CFAP70: variants seen among roughly 807,000 people sequenced by gnomAD.
The protein encoded by CFAP70 is cilia- and flagella-associated protein 70.
CFAP70 carries 81 observed loss-of-function variants against 137.6 expected under a neutral mutation model. The ratio of observed to expected loss-of-function variants is 0.59; its 90% CI spans 0.49 to 0.71. CFAP70 has a LOEUF of 0.71. Among genes scored for constraint, CFAP70 ranks in the 30% least tolerant of loss-of-function variants. The probability of loss-of-function intolerance (pLI) is 0.00; values close to 1 mark genes in which losing one functional copy is unlikely to be tolerated. For missense variants in CFAP70, 976 were observed against 1,226.7 expected (o/e 0.80, Z 3.05); for synonymous variants, 382 against 423.6 (o/e 0.90, Z 1.20).
chr10:73,266,292 C>T (rs1439745441), intron 25 of CFAP70, among the ~76,000 whole-genome samples: 2 of 152,148 alleles, frequency 1.3e-5, no homozygotes, highest in Non-Finnish European at 2.9e-5. Context: ...TGCTTCCACC[C>T]GTCTCCCTAT....
chr10:73,361,385 C>T (rs910727296), upstream of CFAP70, among the ~76,000 whole-genome samples: 8 of 151,044 alleles, frequency 5.3e-5, no homozygotes, highest in Non-Finnish European at 7.4e-5. Context: ...CTCTGCCTCC[C>T]GGGTTCAAGT....
At chr10:73,310,107 T>G in intron 12 of CFAP70, 51 bp downstream of exon 13, 1 of 1,245,544 alleles carries the variant, frequency 8.0e-7, no homozygotes, top group Non-Finnish European at 1.2e-6. Context: ...TGACTTCCTC[T>G]TATTTATACC....
chr10:73,310,137 A>T, intron 12 of CFAP70, 21 bp downstream of exon 13: 1 of 1,544,586 alleles, frequency 6.5e-7, no homozygotes, highest in Non-Finnish European at 8.9e-7. Flanking sequence ...CAAAACTAGT[A>T]TAAGCACCAT....
At chr10:73,289,139 G>A (rs118056817) in intron 19 of CFAP70, among the ~76,000 whole-genome samples, 532 of 151,936 alleles carry the variant, frequency 3.5e-3, no homozygotes, top group Admixed American at 6.6e-3. Context: ...TTAAATCCAG[G>A]CTAATAGAAT....
In CFAP70 at chr10:73,297,911, C is replaced by T. The variant is rs1175292713; in HGVS notation, c.1513-738G>A. On this transcript the variant is annotated intron_variant, in intron 14 of 26. Coordinates refer to ENST00000310715, the Ensembl canonical transcript of CFAP70. ...AAAGTCACGTTTCAAGGTCACCCAA[C>T]TAGTAAATGTGGAACCAAGAGTCAA... is the stretch of plus-strand genomic sequence containing the variant. Among the ~76,000 whole-genome samples the T allele has an allele frequency of 2.6e-5, 4 of 152,234 alleles. 1 individual carries two copies. The highest frequency in any genetic ancestry group is 2.6e-4 in the Admixed American group (4 of 15,282).
chr10:73,278,806 C>T (rs371849311), intron 19 of CFAP70, among the ~76,000 whole-genome samples: 4 of 151,328 alleles, frequency 2.6e-5, no homozygotes, highest in African/African-American at 7.3e-5. Context: ...GCAGTGAAAC[C>T]CCATCTCTAC....
intron 12 of CFAP70, 141 bp from the exon 14 acceptor site, chr10:73,299,806 T>C (rs574142779): frequency 2.5e-5 from 14 of 568,774 alleles, no homozygotes; most frequent in East Asian, 2.3e-4. Context: ...AGCACTGTGC[T>C]GTTCTCTCAT....
At chr10:73,301,757 T>A (rs530949795) in intron 12 of CFAP70, among the ~76,000 whole-genome samples, 1 of 152,270 alleles carries the variant, frequency 6.6e-6, no homozygotes, top group African/African-American at 2.4e-5. Context: ...TACACTTTAT[T>A]TTATTTTTAT....
rs199687410 is a variant in CFAP70 at position 73,353,555 on chromosome 10, C to G, written c.250+1G>C. ...TGATTTTTAGAACCACAAGGACTTA[C>G]AGAACACAGGTTTGTGAGCGAGGTC... On this transcript the variant is annotated splice_donor_variant, in intron 3 of 26. Coordinates refer to ENST00000310715, the Ensembl canonical transcript of CFAP70. LOFTEE classifies it high-confidence loss of function. 3.6e-5 allele frequency: 58 copies of G among 1,613,010 alleles called. No homozygotes were observed. Among genetic ancestry groups the G allele is most frequent in the Non-Finnish European group, 3.4e-6 (4 of 1,179,280 alleles).
At chr10:73,327,533 A>T (rs2051589800) in intron 8 of CFAP70, among the ~76,000 whole-genome samples, 1 of 151,934 alleles carries the variant, frequency 6.6e-6, no homozygotes, top group African/African-American at 2.4e-5. Flanking sequence ...AATTAGGAAA[A>T]GAGGAAGTCA....
At chr10:73,274,394 C>G in intron 23 of CFAP70, 39 bp downstream of exon 24, 1 of 1,565,206 alleles carries the variant, frequency 6.4e-7, no homozygotes, top group South Asian at 1.2e-5. Flanking sequence ...ACAATTAGTT[C>G]CCAGACCACG....
At chr10:73,257,069 T>C (rs2044599304) in intron 25 of CFAP70, among the ~76,000 whole-genome samples, 1 of 152,144 alleles carries the variant, frequency 6.6e-6, no homozygotes, top group South Asian at 2.1e-4. Flanking sequence ...CCGTACTATG[T>C]GATTTACATT....
chr10:73,253,899 G>T, exon 27 of CFAP70: 4 of 1,187,062 alleles, frequency 3.4e-6, no homozygotes, highest in Non-Finnish European at 4.8e-6. Context: ...CCAGCTCCAG[G>T]CTTCATACGG....
chr10:73,326,053 C>A (rs1029455333), intron 8 of CFAP70, among the ~76,000 whole-genome samples: 2 of 151,952 alleles, frequency 1.3e-5, no homozygotes, highest in African/African-American at 4.8e-5. Flanking sequence ...AGCACCACAC[C>A]ACACCTATTC....
intron 4 of CFAP70, chr10:73,347,165 T>G (rs923133205): frequency 6.6e-6 from 1 of 152,000 alleles, no homozygotes; most frequent in Non-Finnish European, 1.5e-5. Flanking sequence ...AAAGGAGTAA[T>G]GGGAGATGAG....
chr10:73,351,125 T>G (rs1589602652), intron 3 of CFAP70, among the ~76,000 whole-genome samples: 1 of 134,628 alleles, frequency 7.4e-6, no homozygotes, highest in African/African-American at 2.8e-5. Flanking sequence ...ATGTTTTGTT[T>G]TTTTTTTTTG....
chr10:73,320,996 C>T (rs1403667045), intron 9 of CFAP70, among the ~76,000 whole-genome samples: 1 of 152,184 alleles, frequency 6.6e-6, no homozygotes, highest in Non-Finnish European at 1.5e-5. Context: ...ATCATTTTTA[C>T]TTACTATGAT....
intron 12 of CFAP70, among the ~76,000 whole-genome samples, chr10:73,307,721 GA>G (rs1274569845): frequency 2.0e-5 from 3 of 151,936 alleles, no homozygotes; most frequent in African/African-American, 4.8e-5. Flanking sequence ...ATATACAACA[GA>G]ACCCCAAAAT....
chr10:73,351,995 G>A (rs916915315), intron 3 of CFAP70, among the ~76,000 whole-genome samples: 2 of 152,200 alleles, frequency 1.3e-5, no homozygotes, highest in Non-Finnish European at 2.9e-5. Flanking sequence ...CTGCTGAGCA[G>A]GGGAATTGGA....
Sources: gnomAD v4.1 joint callset for allele counts (sites outside exome capture counted in the v4.1 genomes callset) on GRCh38, gnomAD v4.1.1 for gene constraint, MANE v1.5 for transcripts, NCBI Gene and HGNC (gene_info 2026-07-23, HGNC 2026-07-21) for gene names.